Variants in METTL21A observed in about 807,000 individuals in gnomAD.
The protein encoded by METTL21A is protein N-lysine methyltransferase METTL21A.
Under a neutral mutation model 20.9 loss-of-function variants are expected in METTL21A, and 22 were observed. That is an observed-to-expected ratio of 1.05 (90% CI 0.75 to 1.50). METTL21A has a LOEUF of 1.50. Among genes scored for constraint, METTL21A ranks in the 40% most tolerant of loss-of-function variants. The probability of loss-of-function intolerance (pLI) is 0.00; values close to 1 mark genes in which losing one functional copy is unlikely to be tolerated. For synonymous variants in METTL21A, 93 were observed against 102.0 expected, an observed-to-expected ratio of 0.91 and a Z score of 0.53; for missense variants, 271 against 266.8, an observed-to-expected ratio of 1.02 and a Z score of -0.11.
intron 3 of METTL21A, among the ~76,000 whole-genome samples, chr2:207,585,976 C>T (rs953145602): frequency 1.3e-5 from 2 of 152,046 alleles, no homozygotes; most frequent in African/African-American, 4.8e-5. Flanking sequence ...TGAAGACCTC[C>T]CATGTCTTGA....
At chr2:207,617,561 A>G (rs2089939004) in intron 3 of METTL21A, among the ~76,000 whole-genome samples, 1 of 152,282 alleles carries the variant, frequency 6.6e-6, no homozygotes, top group Non-Finnish European at 1.5e-5. Flanking sequence ...CTGAAGAGTC[A>G]GGCAGGATGC....
At position 207,582,918 on chromosome 2, in the gene METTL21A, A is replaced by AT. The variant is rs35896795; in HGVS notation, c.260-759_260-758insA. 738 of 257,324 alleles carry AT rather than the reference A, an allele frequency of 2.9e-3. 3 individuals are homozygous for AT. The highest frequency in any genetic ancestry group is 5.4e-3 in the African/African-American group (234 of 42,944). The allele number at this position is 257,324 out of a possible 1,614,324, so 15.9% of individuals were successfully genotyped here. A position where few individuals can be genotyped will look rare whatever the true frequency, so the allele number is the denominator to read the frequency against. On this transcript the variant is annotated intron_variant, in intron 3 of 3. Transcript: ENST00000425132. The stretch of plus-strand genomic sequence containing the variant: ...AAAAACAAACAAACAAACAAAAAAA[A>AT]ATATATATATATACATACACACACA...
chr2:207,603,797 T>C (rs1341245748), intron 3 of METTL21A, among the ~76,000 whole-genome samples: 2 of 152,144 alleles, frequency 1.3e-5, no homozygotes, highest in Non-Finnish European at 2.9e-5. Context: ...TGTGATCATA[T>C]AAATTGGAAG....
At chr2:207,621,688 TA>T in intron 3 of METTL21A, 117 bp downstream of exon 3, 1 of 860,294 alleles carries the variant, frequency 1.2e-6, no homozygotes, top group Non-Finnish European at 1.9e-6. Context: ...CTCATAAGTA[TA>T]AGCAAAAGAT....
At chr2:207,593,759 C>T (rs973483338) in intron 3 of METTL21A, among the ~76,000 whole-genome samples, 2 of 149,710 alleles carry the variant, frequency 1.3e-5, no homozygotes, top group Non-Finnish European at 3.0e-5. Flanking sequence ...ACACCTATCA[C>T]CCAGGCTGGA....
chr2:207,586,685 T>A (rs1413605107), intron 3 of METTL21A, among the ~76,000 whole-genome samples: 2 of 152,136 alleles, frequency 1.3e-5, no homozygotes, highest in East Asian at 3.8e-4. Context: ...CCAGGATATA[T>A]AAGGAACTCA....
intron 3 of METTL21A, chr2:207,601,168 T>C (rs2086986707): frequency 5.4e-6 from 1 of 185,634 alleles, no homozygotes; most frequent in African/African-American, 2.3e-5. Flanking sequence ...GTTGGTATAT[T>C]TTTTCCCTCA....
chr2:207,585,760 T>G (rs2083706687), intron 3 of METTL21A, among the ~76,000 whole-genome samples: 1 of 152,114 alleles, frequency 6.6e-6, no homozygotes, highest in South Asian at 2.1e-4. Context: ...ACTGAAGAAT[T>G]TAATAAATAA....
intron 3 of METTL21A, among the ~76,000 whole-genome samples, chr2:207,584,700 C>G (rs907586825): frequency 1.3e-5 from 2 of 152,168 alleles, no homozygotes; most frequent in Non-Finnish European, 2.9e-5. Context: ...CTGTGCCCAG[C>G]CTTCATTAGT....
At chr2:207,612,487 CA>C (rs1324744232), downstream of METTL21A, 2 of 151,592 alleles carry the variant, frequency 1.3e-5, no homozygotes, top group Non-Finnish European at 2.9e-5. Flanking sequence ...GAAATTAAGG[CA>C]AAAAGCATGA....
intron 3 of METTL21A, among the ~76,000 whole-genome samples, chr2:207,586,893 TGAG>T (rs2083939429): frequency 6.6e-6 from 1 of 152,068 alleles, no homozygotes; most frequent in Admixed American, 6.5e-5. Context: ...AACAAACTGA[TGAG>T]GATGCAGAGA....
chr2:207,596,897 TC>T (rs57116025), intron 3 of METTL21A: 43,741 of 1,592,366 alleles, frequency 0.027, 747 homozygotes, highest in African/African-American at 0.066. Flanking sequence ...ATTTTTCCCG[TC>T]CTCTTTTGCT....
intron 3 of METTL21A, among the ~76,000 whole-genome samples, chr2:207,587,272 A>G (rs2084032349): frequency 6.6e-6 from 1 of 152,010 alleles, no homozygotes; most frequent in Non-Finnish European, 1.5e-5. Context: ...GGGTGCCTGT[A>G]GTCCCAGCTA....
At chr2:207,590,763 G>T (rs987685000) in intron 3 of METTL21A, among the ~76,000 whole-genome samples, 3 of 152,100 alleles carry the variant, frequency 2.0e-5, no homozygotes, top group Admixed American at 6.5e-5. Context: ...CTGTGTTCCA[G>T]TAAAACTTTA....
rs12999688 is a variant in METTL21A, at chr2:207,603,035, C to T, written c.259+18771G>A. The T allele has an allele frequency of 7.9e-3, 1,693 of 213,772 alleles. 7 individuals are homozygous for T. The highest frequency in any genetic ancestry group is 0.012 in the Non-Finnish European group (1,319 of 105,872). The allele number at this position is 213,772 out of a possible 1,614,324, so 13.2% of individuals were successfully genotyped here. ...TAAAGAAGACTTCCCCCACAACTGT[C>T]AGCACAAAACAGGGTATTGATTTTT... On this transcript the variant is annotated intron_variant, in intron 3 of 3. Transcript: ENST00000425132.
At chr2:207,598,148 A>G (rs1354189019) in intron 3 of METTL21A, 2 of 180,638 alleles carry the variant, frequency 1.1e-5, no homozygotes, top group African/African-American at 4.7e-5. Flanking sequence ...TTAACAGAGA[A>G]TCTCTAGTGA....
intron 3 of METTL21A, 104 bp from the exon 4 acceptor site, chr2:207,613,547 G>C: frequency 1.9e-6 from 2 of 1,052,212 alleles, no homozygotes; most frequent in Non-Finnish European, 2.7e-6. Context: ...TATTGCATCT[G>C]ATATGCATAA....
At chr2:207,606,105 T>C (rs986101519), downstream of METTL21A, among the ~76,000 whole-genome samples, 5 of 152,238 alleles carry the variant, frequency 3.3e-5, no homozygotes, top group African/African-American at 9.6e-5. Flanking sequence ...TTTCTAGTGT[T>C]ACTAAATTTT....
intron 3 of METTL21A, among the ~76,000 whole-genome samples, chr2:207,595,060 A>G (rs1444404038): frequency 1.4e-5 from 2 of 147,574 alleles, no homozygotes; most frequent in Non-Finnish European, 3.0e-5. Flanking sequence ...CCGTGGTGCA[A>G]TCTCGGCTTA....
Sources: gnomAD v4.1 joint callset for allele counts (sites outside exome capture counted in the v4.1 genomes callset) on GRCh38, gnomAD v4.1.1 for gene constraint, MANE v1.5 for transcripts, NCBI Gene and HGNC (gene_info 2026-07-23, HGNC 2026-07-21) for gene names.